TNFSF4: variants seen among roughly 807,000 people sequenced by gnomAD.
TNFSF4 encodes TNF superfamily member 4.
TNFSF4 carries 4 observed loss-of-function variants against 7.3 expected under a neutral mutation model. The ratio of observed to expected loss-of-function variants is 0.55; its 90% CI spans 0.27 to 1.25. The LOEUF (loss-of-function observed/expected upper bound fraction) is 1.25. Ranked by LOEUF, TNFSF4 falls within the 50% of genes most tolerant of loss-of-function variation. The probability of loss-of-function intolerance (pLI) is 0.12; values close to 1 mark genes in which losing one functional copy is unlikely to be tolerated. For synonymous variants in TNFSF4, 76 were observed against 83.7 expected, an observed-to-expected ratio of 0.91 and a Z score of 0.50; for missense variants, 181 against 208.8, an observed-to-expected ratio of 0.87 and a Z score of 0.82.
At chr1:173,446,400 CTT>C in the TNFSF4 span, among the ~76,000 whole-genome samples, 1 of 152,198 alleles carries the variant, frequency 6.6e-6, no homozygotes, top group Non-Finnish European at 1.5e-5. Context: ...TACATAGTGA[CTT>C]TATTCATAAC....
At chr1:173,404,767 G>C in the TNFSF4 span, among the ~76,000 whole-genome samples, 18 of 152,124 alleles carry the variant, frequency 1.2e-4, no homozygotes, top group African/African-American at 4.3e-4. Flanking sequence ...AAGTAGCTAG[G>C]ATTACAGGCA....
the TNFSF4 span, among the ~76,000 whole-genome samples, chr1:173,375,320 C>T: frequency 6.6e-6 from 1 of 152,140 alleles, no homozygotes; most frequent in Non-Finnish European, 1.5e-5. Context: ...GAGGATGCTA[C>T]AACTGCAAGG....
the TNFSF4 span, among the ~76,000 whole-genome samples, chr1:173,336,756 GA>G: frequency 3.9e-5 from 6 of 152,130 alleles, no homozygotes; most frequent in African/African-American, 1.4e-4. Context: ...CAGAGGGTGG[GA>G]AATAAATCCA....
the TNFSF4 span, among the ~76,000 whole-genome samples, chr1:173,260,908 C>A: frequency 3.3e-5 from 5 of 152,188 alleles, no homozygotes; most frequent in African/African-American, 4.8e-5. Flanking sequence ...TAACACCCCA[C>A]TGTCAATATT....
rs182049073 is a variant in TNFSF4 at position 173,203,079 on chromosome 1, C to T, written c.153+3945G>A. ...AACCTTCTCCAATGGATGTTTATAT[C>T]GCCAGTGCCTCAAATGGTACCTAGC... is the stretch of plus-strand genomic sequence containing the variant. On this transcript the variant is annotated intron_variant, in intron 1 of 2. Transcript: ENST00000281834. 6.9e-4 allele frequency among the ~76,000 whole-genome samples: 105 copies of T among 152,150 alleles called. 1 individual carries two copies. Among genetic ancestry groups the T allele is most frequent in the Admixed American group, 3.8e-3 (58 of 15,276 alleles).
At chr1:173,345,798 T>A in the TNFSF4 span, among the ~76,000 whole-genome samples, 9 of 152,298 alleles carry the variant, frequency 5.9e-5, no homozygotes, top group African/African-American at 2.2e-4. Context: ...GAGACCCAAC[T>A]GAAGTGAAAG....
the TNFSF4 span, among the ~76,000 whole-genome samples, chr1:173,402,206 G>A: frequency 1.4e-4 from 22 of 152,264 alleles, no homozygotes; most frequent in African/African-American, 5.1e-4. Flanking sequence ...CTCAGCCAAA[G>A]GTACAACACA....
At chr1:173,217,990 C>T in the TNFSF4 span, among the ~76,000 whole-genome samples, 1 of 152,144 alleles carries the variant, frequency 6.6e-6, no homozygotes, top group Non-Finnish European at 1.5e-5. Context: ...CTCAAGCAAT[C>T]CTCCCGCCTC....
At chr1:173,391,434 G>T in the TNFSF4 span, among the ~76,000 whole-genome samples, 1 of 12,774 alleles carries the variant, frequency 7.8e-5, no homozygotes, top group Non-Finnish European at 1.4e-4. Flanking sequence ...TCCTTAGAAA[G>T]CAAAAAAAAA....
At chr1:173,384,352 A>G in the TNFSF4 span, among the ~76,000 whole-genome samples, 6 of 152,242 alleles carry the variant, frequency 3.9e-5, no homozygotes, top group Admixed American at 3.9e-4. Flanking sequence ...GGTCAAGGTC[A>G]GCCCCACTGG....
At chr1:173,412,117 G>GAA in the TNFSF4 span, among the ~76,000 whole-genome samples, 2,106 of 120,406 alleles carry the variant, frequency 0.017, 45 homozygotes, top group African/African-American at 0.049. Flanking sequence ...TCCATCTCAA[G>GAA]AAAAAAAAAA....
chr1:173,238,464 C>G, the TNFSF4 span, among the ~76,000 whole-genome samples: 1 of 149,218 alleles, frequency 6.7e-6, no homozygotes, highest in Non-Finnish European at 1.5e-5. Context: ...TCAGAGTAAA[C>G]AGGCAACCTA....
the TNFSF4 span, among the ~76,000 whole-genome samples, chr1:173,422,967 T>A: frequency 1.0e-5 from 1 of 96,660 alleles, no homozygotes; most frequent in African/African-American, 3.9e-5. Flanking sequence ...TACATATATA[T>A]ATGTACATTT....
At chr1:173,358,957 G>A in the TNFSF4 span, among the ~76,000 whole-genome samples, 13 of 152,182 alleles carry the variant, frequency 8.5e-5, no homozygotes, top group Non-Finnish European at 1.5e-4. Context: ...CTTACATGGT[G>A]TGTTCAACCT....
the TNFSF4 span, among the ~76,000 whole-genome samples, chr1:173,298,805 G>C: frequency 6.6e-6 from 1 of 151,878 alleles, no homozygotes; most frequent in South Asian, 2.1e-4. Flanking sequence ...CTTGTTCTAT[G>C]GTAAGTGGCA....
At chr1:173,394,923 T>TAG in the TNFSF4 span, among the ~76,000 whole-genome samples, 1 of 148,360 alleles carries the variant, frequency 6.7e-6, no homozygotes, top group Non-Finnish European at 1.5e-5. Flanking sequence ...TAGATAGAGA[T>TAG]AGATAGATAG....
the TNFSF4 span, among the ~76,000 whole-genome samples, chr1:173,214,114 C>T: frequency 6.6e-6 from 1 of 152,198 alleles, no homozygotes; most frequent in African/African-American, 2.4e-5. Flanking sequence ...AATATTCACT[C>T]TCTGAGTTTT....
At chr1:173,415,172 G>A in the TNFSF4 span, among the ~76,000 whole-genome samples, 1 of 152,192 alleles carries the variant, frequency 6.6e-6, no homozygotes, top group Admixed American at 6.5e-5. Flanking sequence ...TGAATAAAGT[G>A]TTCGTTGCTG....
chr1:173,328,489 A>G, the TNFSF4 span, among the ~76,000 whole-genome samples: 1 of 151,796 alleles, frequency 6.6e-6, no homozygotes, highest in Admixed American at 6.6e-5. Context: ...ATGTACCCTA[A>G]AACTTAAAGT....
Sources: gnomAD v4.1 joint callset for allele counts (sites outside exome capture counted in the v4.1 genomes callset) on GRCh38, gnomAD v4.1.1 for gene constraint, MANE v1.5 for transcripts, NCBI Gene and HGNC (gene_info 2026-07-23, HGNC 2026-07-21) for gene names.